MBOAT4: variants seen among roughly 807,000 people sequenced by gnomAD.
MBOAT4 encodes the protein membrane-bound ghrelin O-acyltransferase MBOAT4.
A neutral mutation model predicts 13.2 loss-of-function variants in MBOAT4; 11 were observed. That is an observed-to-expected ratio of 0.84 (90% CI 0.53 to 1.38). The LOEUF (loss-of-function observed/expected upper bound fraction) is 1.38, where lower values mean the gene tolerates loss of function less well. Among genes scored for constraint, MBOAT4 ranks in the 40% most tolerant of loss-of-function variants. The pLI, the probability that MBOAT4 is intolerant of heterozygous loss-of-function variation, is 0.00. For missense variants in MBOAT4, 481 were observed against 527.2 expected (o/e 0.91, Z 0.86); for synonymous variants, 202 against 210.3 (o/e 0.96, Z 0.34).
chr8:30,138,477 G>A (rs1803194711), intron 2 of MBOAT4, 55 bp downstream of exon 2: 7 of 1,390,726 alleles, frequency 5.0e-6, no homozygotes, highest in African/African-American at 1.4e-5. Context: ...TGCTACCACC[G>A]TGGTGCAAGC....
intron 2 of MBOAT4, chr8:30,137,204 C>T (rs1803166822): frequency 2.5e-6 from 3 of 1,187,522 alleles, no homozygotes; most frequent in Non-Finnish European, 1.2e-6. Flanking sequence ...CCTCTCATCT[C>T]AGGGATCTTG....
intron 2 of MBOAT4, among the ~76,000 whole-genome samples, chr8:30,136,053 G>A (rs191642755): frequency 4.1e-4 from 63 of 152,170 alleles, no homozygotes; most frequent in Admixed American, 2.3e-3. Context: ...AACTGACCCC[G>A]TCACTTGACT....
At chr8:30,140,123 G>A (rs765257535) in intron 1 of MBOAT4, among the ~76,000 whole-genome samples, 1 of 152,062 alleles carries the variant, frequency 6.6e-6, no homozygotes, top group African/African-American at 2.4e-5. Context: ...TGCAACCTCC[G>A]TCTCCTGGGT....
intron 1 of MBOAT4, among the ~76,000 whole-genome samples, chr8:30,141,936 G>A (rs1803267480): frequency 6.6e-6 from 1 of 152,194 alleles, no homozygotes; most frequent in Admixed American, 6.5e-5. Context: ...ACCTATGCTT[G>A]GGGTGACTTC....
chr8:30,144,253 C>G (rs139051061), intron 1 of MBOAT4, among the ~76,000 whole-genome samples: 7 of 152,192 alleles, frequency 4.6e-5, no homozygotes. Context: ...TCCTGCCTCC[C>G]TCCCGAGGAG....
intron 2 of MBOAT4, 115 bp downstream of exon 2, chr8:30,138,417 T>C: frequency 1.4e-6 from 1 of 731,706 alleles, no homozygotes; most frequent in South Asian, 1.9e-5. Context: ...AAGGTCACAC[T>C]GGTCAAATGT....
Position 30,142,139 on chromosome 8 carries a change from C to A in MBOAT4, c.119+2344G>T, listed in dbSNP as rs568233657. On this transcript the variant is annotated intron_variant, in intron 1 of 2. Coordinates refer to ENST00000320542, the MANE Select transcript of MBOAT4 (RefSeq NM_001100916.2). ...TGTGACTTAGCAATGTGTGACTTAG[C>A]GATTGCATATTTCATTCTAGGCATA... Among the ~76,000 whole-genome samples the A allele has an allele frequency of 1.2e-4, 18 of 152,256 alleles. No homozygotes were observed. The South Asian group carries it at 3.5e-3, about 30-fold the overall frequency.
chr8:30,141,593 G>A (rs542427932), intron 1 of MBOAT4, among the ~76,000 whole-genome samples: 13 of 152,218 alleles, frequency 8.5e-5, no homozygotes, highest in South Asian at 4.1e-4. Context: ...AGCTGAGATC[G>A]CACTGCTGCA....
chr8:30,136,178 C>T (rs781019651), intron 2 of MBOAT4, among the ~76,000 whole-genome samples: 6 of 152,152 alleles, frequency 3.9e-5, no homozygotes, highest in Non-Finnish European at 8.8e-5. Context: ...AACCCCAGTA[C>T]CTCAGAATGT....
chr8:30,137,491 C>G lies in MBOAT4; in HGVS notation c.344+1041G>C, dbSNP rs886628971. On this transcript the variant is annotated intron_variant, in intron 2 of 2. Transcript: ENST00000320542. ...AGGATTCCTGCTTTGCCCTCCCTCTCAGGCACAATGACAACTACTGCTCAG... is the reference window on the plus strand; with the variant it reads ...AGGATTCCTGCTTTGCCCTCCCTCTGAGGCACAATGACAACTACTGCTCAG... The G allele has an allele frequency of 1.9e-5, 29 of 1,551,304 alleles. No homozygotes were observed. The African/African-American group carries it at 3.0e-4, about 16-fold the overall frequency.
At chr8:30,135,913 G>A (rs1336218138) in intron 2 of MBOAT4, among the ~76,000 whole-genome samples, 27 of 128,870 alleles carry the variant, frequency 2.1e-4, no homozygotes, top group Admixed American at 3.3e-4. Context: ...GACCTTGTCT[G>A]AAAAAAAAAA....
At chr8:30,138,351 C>A (rs191261603) in intron 2 of MBOAT4, 181 bp downstream of exon 2, 2 of 572,128 alleles carry the variant, frequency 3.5e-6, no homozygotes, top group African/African-American at 1.9e-5. Context: ...GTATTGTTAG[C>A]CCCATATCTT....
At chr8:30,132,938 C>T (rs938246241) in intron 2 of MBOAT4, 32 bp from the exon 3 acceptor site, 1 of 1,479,900 alleles carries the variant, frequency 6.8e-7, no homozygotes, top group Non-Finnish European at 9.0e-7. Context: ...AACATAAAAA[C>T]ACTCTGTATT....
At chr8:30,138,990 T>C (rs1803212400) in intron 1 of MBOAT4, among the ~76,000 whole-genome samples, 1 of 151,290 alleles carries the variant, frequency 6.6e-6, no homozygotes, top group South Asian at 2.1e-4. Flanking sequence ...TTTTTTTTTT[T>C]TGAGACAGGG....
At chr8:30,139,668 T>G (rs1040419516) in intron 1 of MBOAT4, among the ~76,000 whole-genome samples, 2 of 152,206 alleles carry the variant, frequency 1.3e-5, no homozygotes, top group Non-Finnish European at 2.9e-5. Flanking sequence ...TTATACTTAT[T>G]AAAGTTTAGG....
intron 1 of MBOAT4, among the ~76,000 whole-genome samples, chr8:30,143,362 A>T (rs766588612): frequency 0.92 from 131,766 of 143,470 alleles, 61,144 homozygotes; most frequent in Non-Finnish European, 0.97. Context: ...AAAAAAAAAA[A>T]AAAAATATAT....
At position 30,132,903 on chromosome 8, in the gene MBOAT4, GA is replaced by G. The variant is rs2117533936; in HGVS notation, c.347del (p.Phe116SerfsTer11). On this transcript the variant is annotated frameshift_variant and splice_region_variant, in exon 3 of 3. Transcript: ENST00000320542. LOFTEE classifies it low-confidence loss of function (END_TRUNC). ...YYLHEPPSVR[F>X]CITLSSLMLL... is the part of the protein sequence containing the mutation. Reference sequence around the variant, plus strand: ...GCATGAGAGAAGAAAGAGTGATGCAGAACCTGCAAGATAATTTTTTAAAGAA... The same window carrying G: ...GCATGAGAGAAGAAAGAGTGATGCAGACCTGCAAGATAATTTTTTAAAGAA... 6.6e-7 allele frequency: 1 copy of G among 1,504,684 alleles called. No homozygotes were observed. Among genetic ancestry groups the G allele is most frequent in the East Asian group, 2.5e-5 (1 of 40,454 alleles). 93.2% of individuals were successfully genotyped at this position (1,504,684 alleles called of 1,614,324 possible). A position where few individuals can be genotyped will look rare whatever the true frequency, so the allele number is the denominator to read the frequency against.
At chr8:30,137,553 T>A in intron 2 of MBOAT4, 1 of 1,277,028 alleles carries the variant, frequency 7.8e-7, no homozygotes, top group Non-Finnish European at 1.1e-6. Context: ...CACGTGGCAG[T>A]GATGATTAGT....
At chr8:30,140,737 G>T (rs968226697) in intron 1 of MBOAT4, among the ~76,000 whole-genome samples, 6 of 152,126 alleles carry the variant, frequency 3.9e-5, no homozygotes, top group Admixed American at 3.9e-4. Flanking sequence ...ACGACCGTAT[G>T]TTTCCACCAA....
Sources: allele counts gnomAD v4.1 joint callset (sites outside exome capture counted in the v4.1 genomes callset), GRCh38; gene constraint gnomAD v4.1.1; transcripts MANE v1.5; gene names NCBI Gene and HGNC (gene_info 2026-07-23, HGNC 2026-07-21).